The following TGM2 variants were observed in gnomAD, a reference collection of about 807,000 sequenced individuals.
The protein encoded by TGM2 is transglutaminase 2, also known as protein-glutamine gamma-glutamyltransferase 2.
Under a neutral mutation model 75.6 loss-of-function variants are expected in TGM2, and 53 were observed. The ratio of observed to expected loss-of-function variants is 0.70; its 90% confidence interval spans 0.56 to 0.88. TGM2 has a LOEUF of 0.88. TGM2 is among the 40% of genes least tolerant of loss of function. TGM2 has a pLI of 0.00. For synonymous variants in TGM2, 374 were observed against 381.1 expected, an observed-to-expected ratio of 0.98 and a Z score of 0.22; for missense variants, 842 against 928.5, an observed-to-expected ratio of 0.91 and a Z score of 1.21.
chr20:38,167,440 G>A (rs536495988), upstream of TGM2, among the ~76,000 whole-genome samples: 222 of 152,214 alleles, frequency 1.5e-3, no homozygotes, highest in Non-Finnish European at 1.6e-3. Context: ...GGGCTCAAGC[G>A]ATCCTCCTGC....
intron 4 of TGM2, among the ~76,000 whole-genome samples, chr20:38,148,522 C>T (rs762166884): frequency 6.4e-4 from 98 of 152,340 alleles, no homozygotes; most frequent in Middle Eastern, 3.4e-3. Context: ...CGTCCCCCTC[C>T]AACCCAGCCC....
chr20:38,132,678 A>AGAGTGGAC (rs1322083727), intron 10 of TGM2, 178 bp from the exon 11 acceptor site: 1 of 841,996 alleles, frequency 1.2e-6, no homozygotes, highest in East Asian at 2.6e-5. Flanking sequence ...GAGGAGCTGG[A>AGAGTGGAC]GAGTGGACAC....
At chr20:38,136,758 TG>T (rs1182200070) in intron 10 of TGM2, among the ~76,000 whole-genome samples, 1 of 151,954 alleles carries the variant, frequency 6.6e-6, no homozygotes, top group East Asian at 1.9e-4. Context: ...ATGGGGCTGC[TG>T]GGTGGTGGTG....
In TGM2 at chr20:38,128,248, C is replaced by G. The variant is rs2074786236; in HGVS notation, c.*1971G>C. 6.6e-6 allele frequency: 1 copy of G among 152,176 alleles called. No individual in the cohort carries two copies. Among genetic ancestry groups the G allele is most frequent in the Non-Finnish European group, 1.5e-5 (1 of 68,060 alleles). 9.4% of individuals were successfully genotyped at this position (152,176 alleles called of 1,614,324 possible). ...AACTACGCAGGGTGTTCTGGGGATA[C>G]AGGAAGTTAATTGTGGCCCAAAAAC... On this transcript the variant is annotated 3_prime_UTR_variant, in exon 13 of 13. Transcript: ENST00000361475.
chr20:38,160,252 C>G (rs888343316), intron 2 of TGM2, among the ~76,000 whole-genome samples: 2 of 152,208 alleles, frequency 1.3e-5, no homozygotes, highest in Admixed American at 6.5e-5. Context: ...TTTCCCAACC[C>G]GAGTCCTAGC....
chr20:38,165,473 A>T (rs962028050), upstream of TGM2: 3 of 560,162 alleles, frequency 5.4e-6, no homozygotes, highest in Admixed American at 6.8e-5. Flanking sequence ...GCGGACAGGG[A>T]CACACAACTA....
At chr20:38,131,304 G>A in intron 11 of TGM2, 75 bp from the exon 12 acceptor site, 1 of 1,602,606 alleles carries the variant, frequency 6.2e-7, no homozygotes. Flanking sequence ...CTGCAATTTG[G>A]CCCAATATTT....
At chr20:38,146,981 G>C (rs1157389315) in intron 5 of TGM2, 87 bp from the exon 6 acceptor site, 14 of 1,427,188 alleles carry the variant, frequency 9.8e-6, no homozygotes, top group African/African-American at 1.4e-5. Context: ...AGCAGGGGGT[G>C]AAAGCTGGGG....
rs372765546 is a variant in TGM2, at chr20:38,161,373, A to AGTG, written c.190+44_190+46dup. ...CTGGGGCATGTCGGGGTGGAGAGGA[A>AGTG]GTGGTGGTGGTGGTGGTGGTGGTGG... is the stretch of plus-strand genomic sequence containing the variant. On this transcript the variant is annotated intron_variant, in intron 2 of 12. Coordinates refer to ENST00000361475, the MANE Select transcript of TGM2 (RefSeq NM_004613.4). 434 of 1,589,402 alleles carry AGTG rather than the reference A, an allele frequency of 2.7e-4. 1 individual carries two copies. The highest frequency in any genetic ancestry group is 8.3e-4 in the Admixed American group (49 of 58,888).
At chr20:38,132,717 C>G in intron 10 of TGM2, 1 of 681,356 alleles carries the variant, frequency 1.5e-6, no homozygotes, top group Non-Finnish European at 2.6e-6. Context: ...CGCACTTGGA[C>G]TCCCACGGGC....
In TGM2 at chr20:38,127,443, T is replaced by C; in HGVS notation, c.*2776A>G. 1.1e-6 allele frequency: 1 copy of C among 901,748 alleles called. No homozygotes were observed. The highest frequency in any genetic ancestry group is 1.3e-6 in the Non-Finnish European group (1 of 753,570). The allele number at this position is 901,748 out of a possible 1,614,324, so 55.9% of individuals were successfully genotyped here. A position where few individuals can be genotyped will look rare whatever the true frequency, so the allele number is the denominator to read the frequency against. ...TATGTGCATGTCATGTCTTTCTACA[T>C]GACTTCCCAAGGGTGGGGACTGTCC... On this transcript the variant is annotated 3_prime_UTR_variant, in exon 13 of 13. Coordinates refer to ENST00000361475, the MANE Select transcript of TGM2 (RefSeq NM_004613.4).
intron 1 of TGM2, among the ~76,000 whole-genome samples, chr20:38,164,681 G>A (rs976311693): frequency 2.0e-5 from 3 of 152,122 alleles, no homozygotes; most frequent in South Asian, 2.1e-4. Flanking sequence ...ACGTGAGGGC[G>A]GGAAGAACAA....
chr20:38,160,587 GC>G (rs1474048387), intron 2 of TGM2, among the ~76,000 whole-genome samples: 1 of 152,228 alleles, frequency 6.6e-6, no homozygotes, highest in East Asian at 1.9e-4. Context: ...CAGGTAGGCA[GC>G]CCAGCCTGCG....
chr20:38,154,220 A>G (rs1327049066), intron 3 of TGM2, among the ~76,000 whole-genome samples: 1 of 152,238 alleles, frequency 6.6e-6, no homozygotes, highest in African/African-American at 2.4e-5. Flanking sequence ...GAAAAATTTT[A>G]AAAGCTTTCT....
chr20:38,149,680 A>AAC (rs2075092474), intron 4 of TGM2, among the ~76,000 whole-genome samples: 1 of 135,672 alleles, frequency 7.4e-6, no homozygotes, highest in Admixed American at 7.2e-5. Flanking sequence ...CTCCGCCTCA[A>AAC]AAAAAAAAAA....
chr20:38,139,762 C>G, intron 8 of TGM2, 108 bp from the exon 9 acceptor site: 1 of 1,452,774 alleles, frequency 6.9e-7, no homozygotes, highest in South Asian at 1.3e-5. Flanking sequence ...CAAGACCACG[C>G]GGCCCTCTGA....
chr20:38,149,158 A>ATAAC (rs1289480722), intron 4 of TGM2, among the ~76,000 whole-genome samples: 21 of 152,202 alleles, frequency 1.4e-4, no homozygotes, highest in African/African-American at 4.8e-4. Context: ...TTTCACTTGC[A>ATAAC]TAGTTCCCTT....
At chr20:38,133,951 A>C (rs997692624) in intron 10 of TGM2, among the ~76,000 whole-genome samples, 1 of 152,118 alleles carries the variant, frequency 6.6e-6, no homozygotes, top group African/African-American at 2.4e-5. Flanking sequence ...GAGAAAATAC[A>C]AACAAAGTCA....
In TGM2 at chr20:38,158,225, TG is replaced by T. The variant is rs532051472; in HGVS notation, c.191-2137del. Among the ~76,000 whole-genome samples the T allele has an allele frequency of 1.1e-4, 16 of 152,310 alleles. No individual in the cohort carries two copies. The East Asian group carries it at 2.7e-3, about 26-fold the overall frequency. On this transcript the variant is annotated intron_variant, in intron 2 of 12. Transcript: ENST00000361475. ...AACGCATTTCCCTTTCTCTCTATCT[TG>T]GGGCAGCCATGCACACACACTCACA...
Sources: gnomAD v4.1 joint callset for allele counts (sites outside exome capture counted in the v4.1 genomes callset) on GRCh38, gnomAD v4.1.1 for gene constraint, MANE v1.5 for transcripts, NCBI Gene and HGNC (gene_info 2026-07-23, HGNC 2026-07-21) for gene names.